The following NAALADL2 variants were observed in gnomAD, a reference collection of about 807,000 sequenced individuals.
NAALADL2 encodes inactive N-acetylated-alpha-linked acidic dipeptidase-like protein 2.
A neutral mutation model predicts 87.2 loss-of-function variants in NAALADL2; 76 were observed. The observed-to-expected ratio is 0.87, with a 90% CI of 0.72 to 1.05. The LOEUF (loss-of-function observed/expected upper bound fraction) is 1.05. Among genes scored for constraint, NAALADL2 ranks in the 50% least tolerant of loss-of-function variants. The pLI, the probability that NAALADL2 is intolerant of heterozygous loss-of-function variation, is 0.00. For synonymous variants in NAALADL2, 354 were observed against 331.0 expected (o/e 1.07, Z -0.75); for missense variants, 1,089 against 945.8 (o/e 1.15, Z -1.99).
intron 1 of NAALADL2, among the ~76,000 whole-genome samples, chr3:174,486,597 A>G (rs935474177): frequency 8.6e-5 from 13 of 152,000 alleles, no homozygotes; most frequent in Non-Finnish European, 4.4e-5. Context: ...GAATTTTGCC[A>G]TGCATGTGAT....
chr3:174,589,379 C>T (rs1717108630), intron 2 of NAALADL2, among the ~76,000 whole-genome samples: 1 of 152,208 alleles, frequency 6.6e-6, no homozygotes, highest in Non-Finnish European at 1.5e-5. Flanking sequence ...GCTGCACCCA[C>T]TGTCTGACAA....
At chr3:174,972,737 T>C (rs1450115676) in intron 1 of NAALADL2, among the ~76,000 whole-genome samples, 2 of 152,148 alleles carry the variant, frequency 1.3e-5, no homozygotes, top group East Asian at 3.9e-4. Flanking sequence ...GTCTCACACC[T>C]GTTATCCCAA....
chr3:174,805,449 G>T (rs1259407392), intron 3 of NAALADL2, among the ~76,000 whole-genome samples: 1 of 151,918 alleles, frequency 6.6e-6, no homozygotes, highest in East Asian at 1.9e-4. Context: ...GCCCAGTATT[G>T]CCTGGGACAG....
intron 10 of NAALADL2, among the ~76,000 whole-genome samples, chr3:175,592,048 G>A (rs865876305): frequency 6.6e-6 from 1 of 151,942 alleles, no homozygotes; most frequent in Non-Finnish European, 1.5e-5. Context: ...GGAGCTCAAA[G>A]TGACTGCACT....
intron 2 of NAALADL2, among the ~76,000 whole-genome samples, chr3:175,204,821 T>C (rs1740578521): frequency 6.6e-6 from 1 of 151,816 alleles, no homozygotes; most frequent in South Asian, 2.1e-4. Flanking sequence ...GAGAATCAAA[T>C]CAAGAATTCA....
intron 1 of NAALADL2, among the ~76,000 whole-genome samples, chr3:175,053,501 T>C (rs1409427199): frequency 2.0e-5 from 3 of 152,204 alleles, no homozygotes; most frequent in Non-Finnish European, 4.4e-5. Flanking sequence ...CTCGAGATCC[T>C]CCTGGAATGT....
At chr3:175,775,581 A>G (rs1053505987) in intron 13 of NAALADL2, among the ~76,000 whole-genome samples, 1 of 152,112 alleles carries the variant, frequency 6.6e-6, no homozygotes, top group African/African-American at 2.4e-5. Flanking sequence ...CTAGATGATC[A>G]AAAGGTAAAG....
At chr3:175,462,748 G>C (rs151228318) in intron 6 of NAALADL2, among the ~76,000 whole-genome samples, 2 of 152,228 alleles carry the variant, frequency 1.3e-5, no homozygotes, top group East Asian at 3.9e-4. Flanking sequence ...TGGTGTCTTT[G>C]CCTTATTTGC....
Position 175,256,506 on chromosome 3 carries a change from A to T in NAALADL2, c.915A>T (p.Leu305Phe). Residue 305 changes from leucine to phenylalanine, a missense_variant, in exon 4 of 14, where the codon TTA becomes TTT. Coordinates refer to ENST00000454872, the MANE Select transcript of NAALADL2 (RefSeq NM_207015.3). Reference protein sequence around the residue: ...NVTNQIALLKLGKLPLLYKLS... With the variant: ...NVTNQIALLKFGKLPLLYKLS... ...CAAATCAGATCGCACTCCTGAAATT[A>T]GGAAAATTGCCACTGCTTTATAAGG... 6.2e-7 allele frequency: 1 copy of T among 1,612,612 alleles called. No homozygotes were observed. Among genetic ancestry groups the T allele is most frequent in the Admixed American group, 1.7e-5 (1 of 59,782 alleles).
At chr3:175,718,506 G>T in intron 11 of NAALADL2, 1 of 1,589,658 alleles carries the variant, frequency 6.3e-7, no homozygotes, top group Non-Finnish European at 8.6e-7. Context: ...GTTCTTGGAG[G>T]CCCAATTATC....
At chr3:174,701,516 A>C (rs180971360) in intron 2 of NAALADL2, among the ~76,000 whole-genome samples, 73 of 152,236 alleles carry the variant, frequency 4.8e-4, no homozygotes, top group Admixed American at 3.7e-3. Context: ...AGAAGTTTTG[A>C]TGTGTACGTT....
intron 2 of NAALADL2, among the ~76,000 whole-genome samples, chr3:175,206,813 T>TAA (rs1740998949): frequency 1.3e-5 from 2 of 152,154 alleles, no homozygotes; most frequent in African/African-American, 4.8e-5. Context: ...CTGGCTTAGG[T>TAA]CTGCTAATCC....
intron 3 of NAALADL2, among the ~76,000 whole-genome samples, chr3:174,789,971 C>A (rs927007466): frequency 3.3e-5 from 5 of 152,164 alleles, no homozygotes; most frequent in African/African-American, 1.2e-4. Context: ...TGAGTTAGAT[C>A]TTTGACATCT....
chr3:175,736,717 A>T (rs753309811), intron 11 of NAALADL2, among the ~76,000 whole-genome samples: 5 of 152,198 alleles, frequency 3.3e-5, no homozygotes, highest in Non-Finnish European at 7.4e-5. Context: ...CATCCTTTTC[A>T]ATGTCATTAG....
chr3:175,153,895 T>C (rs1563946), intron 2 of NAALADL2, among the ~76,000 whole-genome samples: 45,974 of 152,074 alleles, frequency 0.3, 7,162 homozygotes, highest in South Asian at 0.35. Flanking sequence ...CTTTCAGAGG[T>C]CGTTCACTGA....
intron 5 of NAALADL2, among the ~76,000 whole-genome samples, chr3:175,345,847 C>T (rs1046700714): frequency 3.3e-5 from 5 of 152,148 alleles, no homozygotes; most frequent in Admixed American, 3.3e-4. Context: ...AAGACAGCAA[C>T]ATGATCTTCA....
chr3:175,704,250 G>A (rs1028230179), intron 11 of NAALADL2, among the ~76,000 whole-genome samples: 1 of 151,968 alleles, frequency 6.6e-6, no homozygotes, highest in Non-Finnish European at 1.5e-5. Flanking sequence ...TAGAAAGTGG[G>A]GCTGTTCGCT....
intron 3 of NAALADL2, among the ~76,000 whole-genome samples, chr3:175,248,146 C>T (rs749625908): frequency 1.3e-5 from 2 of 152,108 alleles, no homozygotes; most frequent in Admixed American, 1.3e-4. Context: ...GGGGAAAAAT[C>T]CGGATTACAG....
intron 2 of NAALADL2, among the ~76,000 whole-genome samples, chr3:175,198,854 T>C (rs1739389720): frequency 1.3e-5 from 2 of 151,626 alleles, no homozygotes; most frequent in Non-Finnish European, 2.9e-5. Flanking sequence ...GTAAAATAAA[T>C]ACAGTGAGTT....
Sources: allele counts gnomAD v4.1 joint callset (sites outside exome capture counted in the v4.1 genomes callset), GRCh38; gene constraint gnomAD v4.1.1; transcripts MANE v1.5; gene names NCBI Gene and HGNC (gene_info 2026-07-23, HGNC 2026-07-21).